SGO2: variants seen among roughly 807,000 people sequenced by gnomAD.
The protein encoded by SGO2 is shugoshin-like 2.
A neutral mutation model predicts 99.5 loss-of-function variants in SGO2; 68 were observed. The ratio of observed to expected loss-of-function variants is 0.68; its 90% CI spans 0.56 to 0.84. The LOEUF (loss-of-function observed/expected upper bound fraction) is 0.84. SGO2 is among the 40% of genes least tolerant of loss of function. The probability of loss-of-function intolerance (pLI) is 0.00; values close to 1 mark genes in which losing one functional copy is unlikely to be tolerated. For synonymous variants in SGO2, 457 were observed against 487.1 expected, an observed-to-expected ratio of 0.94 and a Z score of 0.81; for missense variants, 1,350 against 1,436.7, an observed-to-expected ratio of 0.94 and a Z score of 0.97.
chr2:200,532,272 G>GTTTTTTT lies in SGO2; in HGVS notation c.-2-697_-2-691dup, dbSNP rs58961852. ...GCAGGTGCAGGTGACAGAGTTTTTT[G>GTTTTTTT]TTTTTTTTTTTGTTTTTTTTTTTTT... On this transcript the variant is annotated intron_variant, in intron 1 of 8. Coordinates refer to ENST00000357799, the MANE Select transcript of SGO2 (RefSeq NM_152524.6). 252 of 187,646 alleles carry GTTTTTTT rather than the reference G, an allele frequency of 1.3e-3. 15 individuals carry two copies. The highest frequency in any genetic ancestry group is 5.6e-3 in the East Asian group (24 of 4,272). 11.6% of individuals were successfully genotyped at this position (187,646 alleles called of 1,614,324 possible).
At chr2:200,544,127 GTCT>G (rs1032492174) in intron 5 of SGO2, among the ~76,000 whole-genome samples, 3 of 152,162 alleles carry the variant, frequency 2.0e-5, no homozygotes, top group African/African-American at 7.2e-5. Context: ...GTTTGTCTCT[GTCT>G]TCTTTTGCCC....
intron 5 of SGO2, among the ~76,000 whole-genome samples, chr2:200,563,881 A>G (rs1261275725): frequency 6.6e-6 from 1 of 152,066 alleles, no homozygotes; most frequent in African/African-American, 2.4e-5. Context: ...GGTAGTTTGT[A>G]TTTCTGTGGG....
chr2:200,575,519 C>A (rs1353831980), intron 8 of SGO2, 58 bp downstream of exon 8: 5 of 1,337,156 alleles, frequency 3.7e-6, no homozygotes, highest in Non-Finnish European at 4.1e-6. Context: ...AAAAAAATTT[C>A]TGCCTGAATT....
At chr2:200,547,075 TAATC>T (rs1347688983) in intron 5 of SGO2, among the ~76,000 whole-genome samples, 2 of 152,110 alleles carry the variant, frequency 1.3e-5, no homozygotes, top group Non-Finnish European at 2.9e-5. Context: ...AGGCATATAA[TAATC>T]AAACTCTCAA....
At position 200,571,717 on chromosome 2, in the gene SGO2, G is replaced by A; in HGVS notation, c.1371G>A (p.Leu457=). The A allele has an allele frequency of 1.2e-6, 2 of 1,613,446 alleles. No individual in the cohort carries two copies. Among genetic ancestry groups the A allele is most frequent in the Non-Finnish European group, 1.7e-6 (2 of 1,179,678 alleles). ...GTTTTATTTTCAATAATGAACAGCT[G>A]GCTCAGATGAATGAACAGCTGGCTC... is the stretch of plus-strand genomic sequence containing the variant. The part of the protein sequence containing the change: ...DPGFIFNNEQ[L]AQMNEQLAQV... Residue 457 remains leucine, a synonymous_variant, in exon 7 of 9, where the codon CTG becomes CTA. Transcript: ENST00000357799.
chr2:200,577,133 A>G (rs1278254765), intron 8 of SGO2, among the ~76,000 whole-genome samples: 1 of 151,692 alleles, frequency 6.6e-6, no homozygotes, highest in Non-Finnish European at 1.5e-5. Flanking sequence ...CTGCTGTACC[A>G]TTTTACATGC....
At chr2:200,568,711 G>C (rs1441600774) in intron 5 of SGO2, among the ~76,000 whole-genome samples, 1 of 152,158 alleles carries the variant, frequency 6.6e-6, no homozygotes, top group Admixed American at 6.5e-5. Flanking sequence ...ACCAGCTGAG[G>C]CTGTAAAACA....
intron 5 of SGO2, among the ~76,000 whole-genome samples, chr2:200,559,333 C>G (rs915690105): frequency 6.6e-6 from 1 of 151,868 alleles, no homozygotes; most frequent in Non-Finnish European, 1.5e-5. Context: ...TTTTCTTAGT[C>G]TTGCTCTAGA....
intron 4 of SGO2, among the ~76,000 whole-genome samples, chr2:200,541,628 T>A (rs2031962732): frequency 6.6e-6 from 1 of 152,206 alleles, no homozygotes; most frequent in African/African-American, 2.4e-5. Context: ...CCCAACTGAC[T>A]ATCTCATAAA....
rs375668128 is a variant in SGO2, at chr2:200,542,604, C to T, written c.413C>T (p.Ser138Leu). ...SEFHQSSFLL[S>L]ASKKKRISKQ... ...TTCCATCAGAGTTCCTTTCTACTGT[C>T]AGCTAGCAAGAAGAAACGAATTAGT... is the stretch of plus-strand genomic sequence containing the variant. Residue 138 changes from serine (S) to leucine (L), a missense_variant, in exon 5 of 9, where the codon TCA becomes TTA. Ser to Leu is a moderately radical substitution (Grantham distance 145, BLOSUM62 -2). Coordinates refer to ENST00000357799, the MANE Select transcript of SGO2 (RefSeq NM_152524.6). The T allele has an allele frequency of 4.1e-5, 66 of 1,612,572 alleles. No individual in the cohort carries two copies. In the Middle Eastern group the frequency reaches 8.2e-4, roughly 20 times the overall value.
At chr2:200,565,223 C>T (rs560697705) in intron 5 of SGO2, among the ~76,000 whole-genome samples, 10 of 152,198 alleles carry the variant, frequency 6.6e-5, no homozygotes, top group African/African-American at 1.9e-4. Context: ...CAATGTTTAG[C>T]GCTTCCTTCA....
Position 200,535,076 on chromosome 2 carries a change from T to A in SGO2, c.214T>A (p.Ser72Thr). 1 of 1,564,208 alleles carries A rather than the reference T, an allele frequency of 6.4e-7. No individual in the cohort carries two copies. Among genetic ancestry groups the A allele is most frequent in the Non-Finnish European group, 8.6e-7 (1 of 1,164,118 alleles). ...GGCTCTTAGTAGAGAAAAAGAGAAT[T>A]CTCGAAGAATTACAACTGAAAAGAT... The part of the protein sequence containing the change: ...AQALSREKEN[S>T]RRITTEKMLL... Residue 72 changes from serine (S) to threonine (T), a missense_variant, in exon 3 of 9, where the codon TCT (serine) becomes ACT (threonine). Physicochemically the swap from Ser to Thr is moderately conservative, Grantham distance 58. Transcript: ENST00000357799.
In SGO2 at chr2:200,575,311, G is replaced by T; in HGVS notation, c.3632G>T (p.Gly1211Val). 4 of 1,547,238 alleles carry T rather than the reference G, an allele frequency of 2.6e-6. No individual in the cohort carries two copies. The highest frequency in any genetic ancestry group is 2.3e-5 in the East Asian group (1 of 44,270). The change falls in exon 8 of 9, where the codon GGT (glycine) becomes GTT (valine). Residue 1211 changes from glycine (G) to valine (V), a missense_variant and splice_region_variant. Physicochemically the swap from Gly to Val is moderately radical, Grantham distance 109. Transcript: ENST00000357799. ...VNRRTQKSGI[G>V]DRPLQDLSNT... ...TGTGAAAAATAATATTCTTTTTCAGGTGATAGACCATTACAGGACTTGTCA... is the reference window on the plus strand; with the variant it reads ...TGTGAAAAATAATATTCTTTTTCAGTTGATAGACCATTACAGGACTTGTCA...
intron 5 of SGO2, among the ~76,000 whole-genome samples, chr2:200,543,840 A>T (rs1357869246): frequency 6.6e-6 from 1 of 152,214 alleles, no homozygotes. Context: ...CCTCCAAAAA[A>T]TTGTATTGTG....
chr2:200,533,432 A>G (rs142775852), intron 2 of SGO2: 468 of 209,590 alleles, frequency 2.2e-3, no homozygotes, highest in African/African-American at 0.01. Flanking sequence ...TTGTTCTGGC[A>G]TGTTGTGGCA....
intron 5 of SGO2, among the ~76,000 whole-genome samples, chr2:200,556,027 C>G (rs1040581230): frequency 2.0e-5 from 3 of 152,108 alleles, no homozygotes; most frequent in Non-Finnish European, 4.4e-5. Flanking sequence ...TGCAATGGTG[C>G]AATCTCGGCT....
intron 5 of SGO2, among the ~76,000 whole-genome samples, chr2:200,555,722 T>C (rs1382902439): frequency 1.3e-5 from 2 of 152,188 alleles, no homozygotes; most frequent in Non-Finnish European, 2.9e-5. Context: ...GCATATTTCC[T>C]ACCAAATTAT....
intron 7 of SGO2, among the ~76,000 whole-genome samples, chr2:200,574,651 T>C (rs913658545): frequency 6.6e-6 from 1 of 152,030 alleles, no homozygotes; most frequent in Non-Finnish European, 1.5e-5. Flanking sequence ...TTTATTTTTT[T>C]CCCAGTTATT....
rs2031091853 is a variant in SGO2 at position 200,526,419 on chromosome 2, T to TC, written c.-3+168dup. ...CGGCCCCTCTCCGGCTACGAGGGGTTCGTTGACGGAGTCCTGTTTTGGCTT... is the reference window on the plus strand; with the variant it reads ...CGGCCCCTCTCCGGCTACGAGGGGTTCCGTTGACGGAGTCCTGTTTTGGCTT... On this transcript the variant is annotated intron_variant, in intron 1 of 8. Transcript: ENST00000357799. The surrounding 1 kb of genome is among the most constrained non-coding windows in gnomAD (Gnocchi z 4.8). 6.6e-6 allele frequency among the ~76,000 whole-genome samples: 1 copy of TC among 152,218 alleles called. No homozygotes were observed. Among genetic ancestry groups the TC allele is most frequent in the South Asian group, 2.1e-4 (1 of 4,822 alleles).
Sources: allele counts gnomAD v4.1 joint callset (sites outside exome capture counted in the v4.1 genomes callset), GRCh38; gene constraint gnomAD v4.1.1; non-coding constraint Gnocchi (gnomAD v3.1); transcripts MANE v1.5; gene names NCBI Gene and HGNC (gene_info 2026-07-23, HGNC 2026-07-21).